ZDHHC24: variants seen among roughly 807,000 people sequenced by gnomAD.
ZDHHC24 encodes the protein probable palmitoyltransferase ZDHHC24.
Under a neutral mutation model 23.2 loss-of-function variants are expected in ZDHHC24, and 17 were observed. The observed-to-expected ratio is 0.73, with a 90% confidence interval of 0.50 to 1.10. ZDHHC24 has a LOEUF of 1.10. Among genes scored for constraint, ZDHHC24 ranks in the 50% least tolerant of loss-of-function variants. ZDHHC24 has a pLI of 0.00. For synonymous variants in ZDHHC24, 186 were observed against 194.5 expected (o/e 0.96, Z 0.36); for missense variants, 366 against 393.0 (o/e 0.93, Z 0.58).
At position 66,543,980 on chromosome 11, in the gene ZDHHC24, A is replaced by G; in HGVS notation, c.283T>C (p.Tyr95His). The G allele has an allele frequency of 1.2e-6, 2 of 1,613,024 alleles. No homozygotes were observed. Among genetic ancestry groups the G allele is most frequent in the Non-Finnish European group, 1.7e-6 (2 of 1,179,304 alleles). Residue 95 changes from tyrosine to histidine, a missense_variant and splice_region_variant, in exon 2 of 3, where the codon TAC (tyrosine) becomes CAC (histidine). Transcript: ENST00000310442. ...ACCTGGCTTTGGCATTGGTAGCAGT[A>G]ACTGCAGGAAGGAACCACAGCGTCA... ...AGRGLGQGWA[Y>H]CYQCQSQVPP...
downstream of ZDHHC24, among the ~76,000 whole-genome samples, chr11:66,535,135 C>T (rs1293421418): frequency 3.3e-5 from 5 of 152,184 alleles, no homozygotes; most frequent in East Asian, 7.7e-4. Context: ...TCAGGTGATC[C>T]GCCTGCCTCA....
chr11:66,526,643 C>T lies in ZDHHC24; in HGVS notation c.*21+293G>A, dbSNP rs368445790. The T allele has an allele frequency of 1.9e-6, 3 of 1,614,184 alleles. No homozygotes were observed. Among genetic ancestry groups the T allele is most frequent in the Middle Eastern group, 3.3e-4 (2 of 6,062 alleles). On this transcript the variant is annotated intron_variant, in intron 4 of 4. Coordinates refer to the ZDHHC24 transcript ENST00000526986. ...ACAAATCCATTTCCACTGTCCACTTCCCTAGGTGGTGGCCTGATCATCAAG... is the reference window on the plus strand; with the variant it reads ...ACAAATCCATTTCCACTGTCCACTTTCCTAGGTGGTGGCCTGATCATCAAG...
chr11:66,531,128 G>C (rs1348538497), downstream of ZDHHC24: 2 of 1,514,016 alleles, frequency 1.3e-6, no homozygotes, highest in Non-Finnish European at 1.8e-6. Flanking sequence ...CAGAGCGTGC[G>C]GGTGGCTGCC....
In ZDHHC24 at chr11:66,539,797, A is replaced by G. The variant is rs1352700299; in HGVS notation, c.587T>C (p.Leu196Ser). The G allele has an allele frequency of 3.1e-6, 5 of 1,610,284 alleles. No homozygotes were observed. The highest frequency in any genetic ancestry group is 4.2e-6 in the Non-Finnish European group (5 of 1,178,266). ...CACGCACGTGTCCGTCACGAAGGCC[A>G]AGGCAAACTGTGCCAGAGACACTCT... is the stretch of plus-strand genomic sequence containing the variant. ...TGRVSLAQFA[L>S]AFVTDTCVAG... The change falls in exon 3 of 3, where the codon TTG (leucine) becomes TCG (serine). Residue 196 changes from leucine to serine, a missense_variant. Leu to Ser is a moderately radical substitution (Grantham distance 145). Transcript: ENST00000310442.
intron 2 of ZDHHC24, among the ~76,000 whole-genome samples, chr11:66,530,353 G>A (rs1255392633): frequency 4.6e-5 from 7 of 151,714 alleles, no homozygotes; most frequent in South Asian, 2.1e-4. Flanking sequence ...GGGCCATCCC[G>A]GCCTCACCCG....
Position 66,537,573 on chromosome 11 carries a change from CACCT to C in ZDHHC24, c.*1952_*1955del, listed in dbSNP as rs1389472411. 6.9e-6 allele frequency: 1 copy of C among 145,568 alleles called. No individual in the cohort carries two copies. Among genetic ancestry groups the C allele is most frequent in the Non-Finnish European group, 1.5e-5 (1 of 66,398 alleles). 9.0% of individuals were successfully genotyped at this position (145,568 alleles called of 1,614,324 possible). A position where few individuals can be genotyped will look rare whatever the true frequency, so the allele number is the denominator to read the frequency against. ...CCAGGCGGCCGGGCACGGTGGCTCA[CACCT>C]GTAATCCCAGCACTTTGGGAGGCCA... On this transcript the variant is annotated 3_prime_UTR_variant, in exon 3 of 3. Coordinates refer to ENST00000310442, the MANE Select transcript of ZDHHC24 (RefSeq NM_207340.3).
At chr11:66,543,564 A>G (rs1857213608) in intron 2 of ZDHHC24, 140 bp downstream of exon 2, 11 of 1,119,870 alleles carry the variant, frequency 9.8e-6, no homozygotes, top group Non-Finnish European at 1.4e-5. Flanking sequence ...GGTGAATACC[A>G]AGCTGCCCTT....
At chr11:66,544,080 G>A (rs1857239588) in intron 1 of ZDHHC24, 99 bp from the exon 2 acceptor site, 1 of 1,492,556 alleles carries the variant, frequency 6.7e-7, no homozygotes, top group Admixed American at 2.0e-5. Context: ...AGTGGCAACA[G>A]CCATTTGCCC....
chr11:66,530,833 C>A, downstream of ZDHHC24: 1 of 1,610,092 alleles, frequency 6.2e-7, no homozygotes, highest in Non-Finnish European at 8.5e-7. Context: ...GCAGAGCACA[C>A]TGTACTCCGT....
rs1010536793 is a variant in ZDHHC24 at position 66,526,921 on chromosome 11, A to C, written c.*21+15T>G. 2.5e-6 allele frequency: 4 copies of C among 1,603,540 alleles called. No homozygotes were observed. In the Admixed American group the frequency reaches 6.8e-5, roughly 27 times the overall value. On this transcript the variant is annotated intron_variant, in intron 4 of 4. Coordinates refer to the ZDHHC24 transcript ENST00000526986. ...CACTGGGAGGAGATCTCGGCCAACTAGGTAGGTCACTCACCTCTGCAAATC... is the reference window on the plus strand; with the variant it reads ...CACTGGGAGGAGATCTCGGCCAACTCGGTAGGTCACTCACCTCTGCAAATC...
At chr11:66,525,594 G>T (rs1315164157) in intron 4 of ZDHHC24, among the ~76,000 whole-genome samples, 2 of 152,166 alleles carry the variant, frequency 1.3e-5, no homozygotes, top group Non-Finnish European at 2.9e-5. Flanking sequence ...GTGAAACTGT[G>T]TATGTGTGTG....
intron 4 of ZDHHC24, chr11:66,526,258 G>A: frequency 6.7e-7 from 1 of 1,482,326 alleles, no homozygotes; most frequent in Non-Finnish European, 9.4e-7. Context: ...TGCTTCTGGG[G>A]AAAGAGGAGG....
chr11:66,540,605 G>A (rs868356555), intron 2 of ZDHHC24, among the ~76,000 whole-genome samples: 4 of 151,784 alleles, frequency 2.6e-5, no homozygotes, highest in East Asian at 1.9e-4. Context: ...GCGCACGCCC[G>A]TAATCCCAGC....
At chr11:66,531,605 C>G, downstream of ZDHHC24, 1 of 1,613,058 alleles carries the variant, frequency 6.2e-7, no homozygotes, top group Non-Finnish European at 8.5e-7. Context: ...TGGAATATGC[C>G]AAACACTGGC....
intron 1 of ZDHHC24, among the ~76,000 whole-genome samples, chr11:66,544,481 C>T (rs1442348259): frequency 6.6e-6 from 1 of 152,180 alleles, no homozygotes; most frequent in East Asian, 1.9e-4. Flanking sequence ...ATCTCTTCCC[C>T]TCTCTTACTG....
At chr11:66,539,925 A>C in intron 2 of ZDHHC24, 101 bp from the exon 3 acceptor site, 2 of 1,229,336 alleles carry the variant, frequency 1.6e-6, no homozygotes, top group Non-Finnish European at 1.1e-6. Context: ...TCCTCCGCTC[A>C]GCAAACCCTG....
intron 4 of ZDHHC24, chr11:66,526,616 G>A (rs749707706): frequency 1.2e-6 from 2 of 1,613,962 alleles, no homozygotes; most frequent in African/African-American, 1.3e-5. Context: ...GAACTGGGGA[G>A]GACAAATCCA....
chr11:66,526,649 G>A lies in ZDHHC24; in HGVS notation c.*21+287C>T, dbSNP rs141528309. The A allele has an allele frequency of 1.5e-4, 248 of 1,614,216 alleles. No homozygotes were observed. In the African/African-American group the frequency reaches 3.0e-3, roughly 19 times the overall value. On this transcript the variant is annotated intron_variant, in intron 4 of 4. Transcript: ENST00000526986. Reference sequence around the variant, plus strand: ...CCATTTCCACTGTCCACTTCCCTAGGTGGTGGCCTGATCATCAAGATCCTG... The same window carrying A: ...CCATTTCCACTGTCCACTTCCCTAGATGGTGGCCTGATCATCAAGATCCTG...
intron 2 of ZDHHC24, among the ~76,000 whole-genome samples, chr11:66,541,401 C>T (rs1359939719): frequency 6.8e-6 from 1 of 147,020 alleles, no homozygotes; most frequent in East Asian, 2.0e-4. Flanking sequence ...AAAACTCCAT[C>T]TCAAAAAAAA....
Sources: allele counts gnomAD v4.1 joint callset (sites outside exome capture counted in the v4.1 genomes callset), GRCh38; gene constraint gnomAD v4.1.1; transcripts MANE v1.5; gene names NCBI Gene and HGNC (gene_info 2026-07-23, HGNC 2026-07-21).